Variants in COL21A1 observed in about 807,000 individuals in gnomAD.
The protein encoded by COL21A1 is collagen alpha-1(XXI) chain.
Under a neutral mutation model 137.9 loss-of-function variants are expected in COL21A1, and 149 were observed. That is an observed-to-expected ratio of 1.08 (90% CI 0.95 to 1.24). COL21A1 has a LOEUF of 1.24. Among genes scored for constraint, COL21A1 ranks in the 50% most tolerant of loss-of-function variants. The pLI, the probability that COL21A1 is intolerant of heterozygous loss-of-function variation, is 0.00. For missense variants in COL21A1, 1,167 were observed against 1,158.4 expected (o/e 1.01, Z -0.11); for synonymous variants, 456 against 391.5 (o/e 1.16, Z -1.95).
chr6:56,232,358 A>G (rs1781621336), intron 1 of COL21A1, among the ~76,000 whole-genome samples: 1 of 151,948 alleles, frequency 6.6e-6, no homozygotes, highest in African/African-American at 2.4e-5. Context: ...GCTATGTTAG[A>G]CTAGTGTGAC....
intron 5 of COL21A1, 24 bp downstream of exon 5, chr6:56,170,625 T>C (rs752469607): frequency 4.7e-6 from 7 of 1,496,770 alleles, no homozygotes; most frequent in South Asian, 2.4e-5. Context: ...ATCATAATCA[T>C]GGTATTATCC....
At chr6:56,326,793 AAC>A (rs1262306251) in intron 1 of COL21A1, among the ~76,000 whole-genome samples, 2 of 152,046 alleles carry the variant, frequency 1.3e-5, no homozygotes, top group Admixed American at 1.3e-4. Context: ...TTCAGTTAAA[AAC>A]ACATATTCAT....
At chr6:56,058,291 C>A (rs1440319353) in intron 29 of COL21A1, among the ~76,000 whole-genome samples, 1 of 152,074 alleles carries the variant, frequency 6.6e-6, no homozygotes, top group Non-Finnish European at 1.5e-5. Context: ...GTTTCCATAT[C>A]TAAATGCATT....
At chr6:56,264,523 T>C (rs1763353024) in intron 1 of COL21A1, among the ~76,000 whole-genome samples, 1 of 152,204 alleles carries the variant, frequency 6.6e-6, no homozygotes. Flanking sequence ...TTTCATCCTA[T>C]ACTGTCTCAC....
At chr6:56,200,008 G>C (rs1297797093) in intron 1 of COL21A1, among the ~76,000 whole-genome samples, 1 of 152,130 alleles carries the variant, frequency 6.6e-6, no homozygotes. Context: ...TGTTAGATTT[G>C]GAGGTCAAAG....
chr6:56,331,149 G>GT (rs1338578878), intron 1 of COL21A1, among the ~76,000 whole-genome samples: 2 of 151,596 alleles, frequency 1.3e-5, no homozygotes, highest in African/African-American at 2.4e-5. Context: ...GAGTTATTTG[G>GT]TTTTTTTCTT....
intron 1 of COL21A1, among the ~76,000 whole-genome samples, chr6:56,261,104 A>C (rs73745423): frequency 0.01 from 1,536 of 152,024 alleles, 32 homozygotes; most frequent in African/African-American, 0.035. Context: ...TACAAATCCA[A>C]AGATCTTTCA....
At chr6:56,269,495 A>T (rs1316244756) in intron 1 of COL21A1, among the ~76,000 whole-genome samples, 2 of 151,698 alleles carry the variant, frequency 1.3e-5, no homozygotes, top group East Asian at 3.9e-4. Flanking sequence ...CTCTACTAAA[A>T]ATACAAAAAA....
At chr6:56,171,205 TAGACA>T in intron 3 of COL21A1, 77 bp from the exon 4 acceptor site, 20 of 903,658 alleles carry the variant, frequency 2.2e-5, no homozygotes, top group Non-Finnish European at 3.2e-5. Flanking sequence ...GGAGAAATAC[TAGACA>T]ATATAGTATT....
At chr6:56,196,562 T>A (rs1779037932) in intron 1 of COL21A1, among the ~76,000 whole-genome samples, 1 of 152,116 alleles carries the variant, frequency 6.6e-6, no homozygotes, top group Non-Finnish European at 1.5e-5. Context: ...CATTTCTATG[T>A]ATTAATAATG....
intron 16 of COL21A1, among the ~76,000 whole-genome samples, chr6:56,119,093 G>A (rs1380141298): frequency 1.3e-5 from 2 of 152,046 alleles, no homozygotes; most frequent in Non-Finnish European, 2.9e-5. Flanking sequence ...AATCAGACAA[G>A]AGAAAGTTAT....
intron 17 of COL21A1, among the ~76,000 whole-genome samples, chr6:56,081,591 C>A (rs1767774180): frequency 6.6e-6 from 1 of 151,814 alleles, no homozygotes; most frequent in South Asian, 2.1e-4. Flanking sequence ...GAATGATTTA[C>A]AACAGATTAT....
chr6:56,335,612 T>C (rs1765316591), intron 1 of COL21A1, among the ~76,000 whole-genome samples: 2 of 152,206 alleles, frequency 1.3e-5, no homozygotes, highest in Admixed American at 1.3e-4. Flanking sequence ...AGTCTCTAAC[T>C]GGGGCATACC....
In COL21A1 at chr6:56,276,837, C is replaced by G. The variant is rs1169990449; in HGVS notation, c.-38-94181G>C. On this transcript the variant is annotated intron_variant, in intron 1 of 28. Coordinates refer to the COL21A1 transcript ENST00000370819. ...TTTTGTTTTTTTTTTGAGACAGAGT[C>G]TCGCTCTGTCGCCCAGGCTGGAGTG... is the stretch of plus-strand genomic sequence containing the variant. The G allele has an allele frequency of 7.1e-6, 5 of 704,716 alleles. No individual in the cohort carries two copies. The Admixed American group carries it at 1.0e-4, about 14-fold the overall frequency. The allele number at this position is 704,716 out of a possible 1,614,324, so 43.7% of individuals were successfully genotyped here.
intron 21 of COL21A1, among the ~76,000 whole-genome samples, chr6:56,070,354 T>A (rs2114092424): frequency 6.6e-6 from 1 of 151,668 alleles, no homozygotes; most frequent in East Asian, 1.9e-4. Context: ...AGGAAACTGG[T>A]AAAGGCTATT....
chr6:56,391,387 T>C, intron 1 of COL21A1, among the ~76,000 whole-genome samples: 1 of 151,850 alleles, frequency 6.6e-6, no homozygotes, highest in East Asian at 1.9e-4. Flanking sequence ...CATAAAGTAC[T>C]AGAAAAGCAA....
intron 16 of COL21A1, among the ~76,000 whole-genome samples, chr6:56,117,684 T>C (rs1301408264): frequency 6.6e-6 from 1 of 151,922 alleles, no homozygotes; most frequent in African/African-American, 2.4e-5. Flanking sequence ...ATAGGTTAGG[T>C]CACAAAACAA....
intron 12 of COL21A1, among the ~76,000 whole-genome samples, chr6:56,133,951 G>A (rs1773778063): frequency 6.6e-6 from 1 of 152,228 alleles, no homozygotes; most frequent in African/African-American, 2.4e-5. Context: ...GCAGGGGCAG[G>A]GTCCTGGTGG....
At position 56,292,400 on chromosome 6, in the gene COL21A1, C is replaced by G. The variant is rs373712274; in HGVS notation, c.-39+101571G>C. On this transcript the variant is annotated intron_variant, in intron 1 of 28. Transcript: ENST00000370819. ...TATCAACAAAACAGGGACCCCCCCCCTCCCCCGCCAAAGAGAGTCTGGGTT... is the reference window on the plus strand; with the variant it reads ...TATCAACAAAACAGGGACCCCCCCCGTCCCCCGCCAAAGAGAGTCTGGGTT... 1.5e-3 allele frequency among the ~76,000 whole-genome samples: 213 copies of G among 141,416 alleles called. 4 individuals carry two copies. Among genetic ancestry groups the G allele is most frequent in the African/African-American group, 5.2e-3 (209 of 40,150 alleles). 92.8% of individuals were successfully genotyped at this position (141,416 alleles called of 152,430 possible).
Sources: allele counts gnomAD v4.1 joint callset (sites outside exome capture counted in the v4.1 genomes callset), GRCh38; gene constraint gnomAD v4.1.1; transcripts MANE v1.5; gene names NCBI Gene and HGNC (gene_info 2026-07-23, HGNC 2026-07-21).